NEXN: variants seen among roughly 807,000 people sequenced by gnomAD.
NEXN encodes the protein nexilin.
NEXN carries 65 observed loss-of-function variants against 92.6 expected under a neutral mutation model. The observed-to-expected ratio is 0.70, with a 90% CI of 0.57 to 0.86. The LOEUF (loss-of-function observed/expected upper bound fraction) is 0.86, where lower values mean the gene tolerates loss of function less well. Ranked by LOEUF, NEXN falls within the 40% of genes least tolerant of loss-of-function variation. The probability of loss-of-function intolerance (pLI) is 0.00; values close to 1 mark genes in which losing one functional copy is unlikely to be tolerated. For missense variants in NEXN, 778 were observed against 771.1 expected (o/e 1.01, Z -0.11); for synonymous variants, 254 against 242.5 (o/e 1.05, Z -0.44).
intron 1 of NEXN, among the ~76,000 whole-genome samples, chr1:77,915,397 A>G (rs1648889830): frequency 6.6e-6 from 1 of 152,210 alleles, no homozygotes. Flanking sequence ...TGGGAGGCCG[A>G]GGCAGGCGGA....
intron 5 of NEXN, among the ~76,000 whole-genome samples, chr1:77,922,932 T>C (rs1002494162): frequency 1.3e-5 from 2 of 151,774 alleles, no homozygotes; most frequent in Non-Finnish European, 2.9e-5. Flanking sequence ...AAATAAACTA[T>C]TAAAGTATAA....
chr1:77,927,794 G>A (rs1254347287), intron 8 of NEXN, among the ~76,000 whole-genome samples: 1 of 150,692 alleles, frequency 6.6e-6, no homozygotes, highest in South Asian at 2.1e-4. Flanking sequence ...AAATGAAAGC[G>A]CCTACTTCTT....
At position 77,933,486 on chromosome 1, in the gene NEXN, T is replaced by C; in HGVS notation, c.1251+7T>C. The stretch of plus-strand genomic sequence containing the variant: ...GAGACAGGAAATGGGAGAGGTAAGA[T>C]TTTAAGAAATATCTATATTCCCCAT... On this transcript the variant is annotated splice_region_variant and intron_variant, in intron 10 of 12. Coordinates refer to ENST00000334785, the MANE Select transcript of NEXN (RefSeq NM_144573.4). 6.4e-7 allele frequency: 1 copy of C among 1,569,216 alleles called. No homozygotes were observed. Among genetic ancestry groups the C allele is most frequent in the Non-Finnish European group, 8.8e-7 (1 of 1,140,164 alleles).
intron 9 of NEXN, 200 bp from the exon 10 acceptor site, chr1:77,933,082 A>C: frequency 4.7e-6 from 2 of 425,220 alleles, no homozygotes; most frequent in Non-Finnish European, 8.6e-6. Flanking sequence ...AATCGCTTGA[A>C]TCTGGGAGGC....
chr1:77,895,029 A>ATTTTTTTTT (rs559226754), intron 1 of NEXN, among the ~76,000 whole-genome samples: 9 of 61,656 alleles, frequency 1.5e-4, no homozygotes, highest in East Asian at 5.3e-4. Context: ...CTATAGTGTA[A>ATTTTTTTTT]TTTTTTTTTT....
intron 1 of NEXN, among the ~76,000 whole-genome samples, chr1:77,911,162 C>T (rs549114859): frequency 2.6e-5 from 4 of 152,252 alleles, no homozygotes; most frequent in African/African-American, 9.6e-5. Flanking sequence ...CTTCTGTATG[C>T]AGGTTGAATA....
At chr1:77,902,216 C>A (rs1647769679) in intron 1 of NEXN, among the ~76,000 whole-genome samples, 1 of 152,056 alleles carries the variant, frequency 6.6e-6, no homozygotes, top group Admixed American at 6.6e-5. Context: ...TGAAAATCAC[C>A]TAGTTTATGG....
intron 10 of NEXN, 32 bp from the exon 11 acceptor site, chr1:77,935,791 A>G (rs1392249623): frequency 6.3e-7 from 1 of 1,584,180 alleles, no homozygotes; most frequent in Non-Finnish European, 8.6e-7. Flanking sequence ...TCTCAAAAAC[A>G]GCAGCAACAA....
At chr1:77,897,669 G>A (rs1224124219) in intron 1 of NEXN, among the ~76,000 whole-genome samples, 1 of 152,154 alleles carries the variant, frequency 6.6e-6, no homozygotes, top group African/African-American at 2.4e-5. Flanking sequence ...GGGCAATTAG[G>A]CAGGAGAAGG....
chr1:77,889,148 A>G (rs371450628), intron 1 of NEXN: 2 of 152,310 alleles, frequency 1.3e-5, no homozygotes, highest in South Asian at 4.1e-4. Context: ...GTGGGTGCCG[A>G]TCCCTCGGCT....
rs1650747968 is a variant in NEXN at position 77,936,166 on chromosome 1, CT to C, written c.1473+123del. 28 of 715,188 alleles carry C rather than the reference CT, an allele frequency of 3.9e-5. No individual in the cohort carries two copies. In the South Asian group the frequency reaches 5.1e-4, roughly 13 times the overall value. The allele number at this position is 715,188 out of a possible 1,614,324, so 44.3% of individuals were successfully genotyped here. A position where few individuals can be genotyped will look rare whatever the true frequency, so the allele number is the denominator to read the frequency against. On this transcript the variant is annotated intron_variant, in intron 11 of 12. Transcript: ENST00000334785. ...ATTAATCATTGGTATATACAGTAATCTGGGAAGTAAATAGCAAAACACATGT... is the reference window on the plus strand; with the variant it reads ...ATTAATCATTGGTATATACAGTAATCGGGAAGTAAATAGCAAAACACATGT...
At chr1:77,932,589 CTTT>C (rs1252422538) in intron 9 of NEXN, among the ~76,000 whole-genome samples, 3 of 152,100 alleles carry the variant, frequency 2.0e-5, no homozygotes, top group Non-Finnish European at 2.9e-5. Flanking sequence ...AACTTAAATG[CTTT>C]AATTACCAAC....
chr1:77,942,347 G>C, intron 12 of NEXN, 114 bp from the exon 13 acceptor site: 1 of 1,358,992 alleles, frequency 7.4e-7, no homozygotes, highest in South Asian at 1.2e-5. Flanking sequence ...CTTTGTAGTA[G>C]GCACACTTGT....
At position 77,889,691 on chromosome 1, in the gene NEXN, T is replaced by C. The variant is rs993582572; in HGVS notation, c.-53+932T>C. On this transcript the variant is annotated intron_variant, in intron 1 of 12. Transcript: ENST00000334785. ...TGGCAGAGAGATAACAAGGTAAAAATAGCATAAGGATATGTCCTAACAAAA... is the reference window on the plus strand; with the variant it reads ...TGGCAGAGAGATAACAAGGTAAAAACAGCATAAGGATATGTCCTAACAAAA... Among the ~76,000 whole-genome samples the C allele has an allele frequency of 6.6e-5, 10 of 152,116 alleles. No individual in the cohort carries two copies. In the East Asian group the frequency reaches 1.5e-3, roughly 23 times the overall value.
chr1:77,926,814 AAAG>A lies in NEXN; in HGVS notation c.790_792del (p.Lys264del). 1 of 1,614,056 alleles carries A rather than the reference AAAG, an allele frequency of 6.2e-7. No individual in the cohort carries two copies. Among genetic ancestry groups the A allele is most frequent in the Non-Finnish European group, 8.5e-7 (1 of 1,180,018 alleles). On this transcript the variant is annotated inframe_deletion, in exon 8 of 13. Transcript: ENST00000334785. ...TGGAGCGACAAAGACAAGAAAACCG[AAAG>A]AAGCAAGCTGAAGAGGAAGCAAGAA...
intron 1 of NEXN, among the ~76,000 whole-genome samples, chr1:77,891,544 G>A (rs1325026111): frequency 6.6e-6 from 1 of 151,804 alleles, no homozygotes; most frequent in Non-Finnish European, 1.5e-5. Context: ...CAAGGTTGGT[G>A]AAATTCACTT....
chr1:77,895,819 A>G (rs1647225434), intron 1 of NEXN, among the ~76,000 whole-genome samples: 1 of 150,516 alleles, frequency 6.6e-6, no homozygotes, highest in Non-Finnish European at 1.5e-5. Flanking sequence ...GAGCTGAGAT[A>G]GTGCCATTGC....
intron 1 of NEXN, among the ~76,000 whole-genome samples, chr1:77,912,004 G>A (rs183473051): frequency 1.8e-3 from 266 of 150,160 alleles, no homozygotes; most frequent in Admixed American, 8.9e-3. Flanking sequence ...GCTTGAACCC[G>A]GGAGGCAGAG....
chr1:77,939,586 T>TA (rs1651082749), intron 11 of NEXN, among the ~76,000 whole-genome samples: 1 of 152,202 alleles, frequency 6.6e-6, no homozygotes, highest in South Asian at 2.1e-4. Flanking sequence ...AATATGTAGG[T>TA]AATAACAAAA....
Sources: allele counts gnomAD v4.1 joint callset (sites outside exome capture counted in the v4.1 genomes callset), GRCh38; gene constraint gnomAD v4.1.1; transcripts MANE v1.5; gene names NCBI Gene and HGNC (gene_info 2026-07-23, HGNC 2026-07-21).